The following DNAI2 variants were observed in gnomAD, a reference collection of about 807,000 sequenced individuals.
DNAI2 encodes dynein axonemal intermediate chain 2, also known as dynein, axonemal, intermediate polypeptide 2.
Under a neutral mutation model 74.7 loss-of-function variants are expected in DNAI2, and 63 were observed. The observed-to-expected ratio is 0.84, with a 90% CI of 0.69 to 1.04. DNAI2 has a LOEUF of 1.04. DNAI2 is among the 50% of genes least tolerant of loss of function. The probability of loss-of-function intolerance (pLI) is 0.00; values close to 1 mark genes in which losing one functional copy is unlikely to be tolerated. For synonymous variants in DNAI2, 289 were observed against 314.9 expected (o/e 0.92, Z 0.87); for missense variants, 688 against 803.2 (o/e 0.86, Z 1.73).
chr17:74,311,595 A>G (rs2053531801), intron 11 of DNAI2, among the ~76,000 whole-genome samples: 1 of 152,166 alleles, frequency 6.6e-6, no homozygotes, highest in Non-Finnish European at 1.5e-5. Flanking sequence ...CCTGGGCAAC[A>G]AGAGTGAAAC....
chr17:74,312,679 C>A (rs1444216457), intron 12 of DNAI2, among the ~76,000 whole-genome samples: 7 of 152,174 alleles, frequency 4.6e-5, no homozygotes, highest in Admixed American at 1.3e-4. Context: ...AGGAGTGTGA[C>A]CTGTGGTCAG....
At position 74,291,151 on chromosome 17, in the gene DNAI2, C is replaced by T. The variant is rs2052069460; in HGVS notation, c.724+18C>T. The T allele has an allele frequency of 1.3e-6, 2 of 1,550,750 alleles. No homozygotes were observed. Among genetic ancestry groups the T allele is most frequent in the Non-Finnish European group, 8.9e-7 (1 of 1,127,122 alleles). On this transcript the variant is annotated intron_variant, in intron 6 of 13. Transcript: ENST00000311014. ...ACAGATAGGTAAGGAGGGACCTAGG[C>T]TTTTTTATTTTTATTTTTATTTTTT...
At chr17:74,283,049 CTTGTT>C (rs893084743) in intron 2 of DNAI2, among the ~76,000 whole-genome samples, 7 of 152,196 alleles carry the variant, frequency 4.6e-5, no homozygotes, top group Non-Finnish European at 7.3e-5. Context: ...CTTTTCCAGA[CTTGTT>C]TTGTTTTGTT....
chr17:74,279,787 C>A (rs771449338), intron 1 of DNAI2, among the ~76,000 whole-genome samples: 55 of 152,302 alleles, frequency 3.6e-4, no homozygotes, highest in African/African-American at 1.3e-3. Context: ...CCTCGGCCAC[C>A]CAAAGTGCTG....
chr17:74,295,967 G>A (rs2052398274), intron 6 of DNAI2, among the ~76,000 whole-genome samples: 1 of 152,124 alleles, frequency 6.6e-6, no homozygotes, highest in African/African-American at 2.4e-5. Context: ...CCAGGCAGTT[G>A]TCAACTCTGC....
At chr17:74,279,386 C>G (rs971971241) in intron 1 of DNAI2, among the ~76,000 whole-genome samples, 3 of 152,000 alleles carry the variant, frequency 2.0e-5, no homozygotes, top group African/African-American at 7.2e-5. Context: ...GATGGATACC[C>G]CATTTCCCAT....
intron 2 of DNAI2, among the ~76,000 whole-genome samples, chr17:74,284,242 A>C (rs1428236206): frequency 6.6e-6 from 1 of 151,278 alleles, no homozygotes; most frequent in Non-Finnish European, 1.5e-5. Context: ...AAAAGGAAAG[A>C]AGGGAAAGTG....
intron 4 of DNAI2, among the ~76,000 whole-genome samples, chr17:74,287,609 G>T (rs1052559124): frequency 1.3e-5 from 2 of 152,146 alleles, no homozygotes; most frequent in Non-Finnish European, 2.9e-5. Context: ...TAGGGGACTG[G>T]TTCTAGCAGT....
Position 74,291,150 on chromosome 17 carries a change from G to T in DNAI2, c.724+17G>T, listed in dbSNP as rs1283771223. 3 of 1,557,856 alleles carry T rather than the reference G, an allele frequency of 1.9e-6. No individual in the cohort carries two copies. The African/African-American group carries it at 4.1e-5, about 21-fold the overall frequency. ...GACAGATAGGTAAGGAGGGACCTAG[G>T]CTTTTTTATTTTTATTTTTATTTTT... On this transcript the variant is annotated intron_variant, in intron 6 of 13. Transcript: ENST00000311014.
At chr17:74,296,380 GGAGAGA>G (rs61153755) in intron 6 of DNAI2, among the ~76,000 whole-genome samples, 12 of 137,040 alleles carry the variant, frequency 8.8e-5, no homozygotes, top group African/African-American at 2.4e-4. Context: ...AGGGAGGGAG[GGAGAGA>G]GAGAGAGAGA....
At chr17:74,293,831 T>C (rs1051624783) in intron 6 of DNAI2, among the ~76,000 whole-genome samples, 14 of 152,090 alleles carry the variant, frequency 9.2e-5, no homozygotes, top group African/African-American at 3.1e-4. Flanking sequence ...TCACCCAGGC[T>C]GGAGTGCAGT....
Position 74,286,972 on chromosome 17 carries a change from C to G in DNAI2, c.346-5C>G, listed in dbSNP as rs751933779. The G allele has an allele frequency of 3.1e-6, 5 of 1,613,654 alleles. No individual in the cohort carries two copies. The highest frequency in any genetic ancestry group is 1.7e-5 in the Admixed American group (1 of 59,974). On this transcript the variant is annotated splice_region_variant and splice_polypyrimidine_tract_variant and intron_variant, in intron 3 of 13. Transcript: ENST00000311014. ...TGCGGAGAACTTCCAATGTGTCCCC[C>G]CTAGATCATGGAGCACTGCATCAAG...
At chr17:74,311,441 T>G (rs948652380) in intron 11 of DNAI2, among the ~76,000 whole-genome samples, 1 of 152,042 alleles carries the variant, frequency 6.6e-6, no homozygotes, top group African/African-American at 2.4e-5. Flanking sequence ...TGAAGAAACC[T>G]CGTCTCTACT....
intron 11 of DNAI2, 26 bp downstream of exon 11, chr17:74,310,189 T>TC: frequency 6.2e-7 from 1 of 1,611,330 alleles, no homozygotes; most frequent in East Asian, 2.2e-5. Context: ...CTGGGGAAAA[T>TC]CCCTCCAGCA....
intron 6 of DNAI2, among the ~76,000 whole-genome samples, chr17:74,295,333 C>A (rs1489079465): frequency 2.6e-5 from 4 of 151,580 alleles, no homozygotes. Flanking sequence ...ACCCAGGAGG[C>A]AGAGGTTGCA....
chr17:74,276,984 G>C (rs974782926), intron 1 of DNAI2, among the ~76,000 whole-genome samples: 13 of 152,148 alleles, frequency 8.5e-5, no homozygotes, highest in Non-Finnish European at 1.9e-4. Context: ...TGTCCATGTG[G>C]TAAAAACACA....
chr17:74,308,595 C>T (rs1485602310), intron 9 of DNAI2, among the ~76,000 whole-genome samples: 1 of 152,088 alleles, frequency 6.6e-6, no homozygotes, highest in Non-Finnish European at 1.5e-5. Flanking sequence ...AAACATGGCT[C>T]ACTGCAGCCT....
rs185625359 is a variant in DNAI2 at position 74,291,286 on chromosome 17, G to T, written c.724+153G>T. On this transcript the variant is annotated intron_variant, in intron 6 of 13. Transcript: ENST00000311014. Reference sequence around the variant, plus strand: ...AGTGATTCTCCTGCCTCAGCCTCCCGAGTCGCTGAGATTACAGGCACCCAC... The same window carrying T: ...AGTGATTCTCCTGCCTCAGCCTCCCTAGTCGCTGAGATTACAGGCACCCAC... Among the ~76,000 whole-genome samples the T allele has an allele frequency of 1.1e-3, 171 of 152,042 alleles. 2 individuals carry two copies. Among genetic ancestry groups the T allele is most frequent in the East Asian group, 3.5e-3 (18 of 5,168 alleles).
chr17:74,309,553 C>T (rs999013946), intron 10 of DNAI2, 165 bp downstream of exon 10: 13 of 928,296 alleles, frequency 1.4e-5, no homozygotes, highest in Middle Eastern at 2.1e-4. Context: ...TGCTTTTGAG[C>T]GTGTGCTCCT....
Sources: allele counts gnomAD v4.1 joint callset (sites outside exome capture counted in the v4.1 genomes callset), GRCh38; gene constraint gnomAD v4.1.1; transcripts MANE v1.5; gene names NCBI Gene and HGNC (gene_info 2026-07-23, HGNC 2026-07-21).